CCNY: variants seen among roughly 807,000 people sequenced by gnomAD.
CCNY encodes cyclin Y.
Under a neutral mutation model 42.8 loss-of-function variants are expected in CCNY, and 19 were observed. The ratio of observed to expected loss-of-function variants is 0.44; its 90% confidence interval spans 0.31 to 0.65. The LOEUF is 0.65. Ranked by LOEUF, CCNY falls within the 30% of genes least tolerant of loss-of-function variation. The pLI is 0.07. For missense variants in CCNY, 370 were observed against 437.3 expected (o/e 0.85, Z 1.37); for synonymous variants, 165 against 162.7 (o/e 1.01, Z -0.11).
intron 3 of CCNY, among the ~76,000 whole-genome samples, chr10:35,503,719 C>T (rs1056651298): frequency 3.9e-5 from 6 of 152,106 alleles, no homozygotes; most frequent in African/African-American, 1.4e-4. Context: ...TAGGTAGGCA[C>T]AATTCAGTAT....
intron 3 of CCNY, among the ~76,000 whole-genome samples, chr10:35,286,765 T>G (rs1308678436): frequency 2.0e-5 from 3 of 150,876 alleles, no homozygotes; most frequent in African/African-American, 4.9e-5. Flanking sequence ...GTTCAAGAGA[T>G]CTTCTCATCT....
At chr10:35,458,174 G>A (rs1450923966) in intron 1 of CCNY, among the ~76,000 whole-genome samples, 2 of 152,200 alleles carry the variant, frequency 1.3e-5, no homozygotes, top group African/African-American at 4.8e-5. Flanking sequence ...AGAGGAACTG[G>A]GCTTTGGGGG....
Position 35,566,036 on chromosome 10 carries a change from C to T in CCNY, c.760C>T (p.Arg254Ter), listed in dbSNP as rs969542211. ...ITVEDMNELERQFLELLQFNI... is the reference protein window; with the variant it reads ...ITVEDMNELE ...TTTGCTTTGCAGGAACGAGCTAGAG[C>T]GACAGTTTCTTGAATTGCTGCAGTT... The change falls in exon 9 of 10, where the codon CGA becomes TGA. Residue 254 changes from arginine (R) to a stop codon, truncating the protein, a stop_gained. Transcript: ENST00000374704. LOFTEE classifies it high-confidence loss of function. The T allele has an allele frequency of 5.0e-6, 8 of 1,613,480 alleles. No homozygotes were observed. The highest frequency in any genetic ancestry group is 1.1e-5 in the South Asian group (1 of 90,958).
chr10:35,434,059 G>A (rs1031841478), intron 1 of CCNY: 4 of 152,210 alleles, frequency 2.6e-5, no homozygotes, highest in African/African-American at 9.6e-5. Context: ...GCAAGAGCCT[G>A]CCTGTGAATT....
chr10:35,269,001 TG>T (rs1396308907), intron 3 of CCNY, among the ~76,000 whole-genome samples: 1 of 152,246 alleles, frequency 6.6e-6, no homozygotes, highest in African/African-American at 2.4e-5. Flanking sequence ...ATTATCTTCA[TG>T]AACAGCATCT....
At chr10:35,469,577 C>G (rs1835694097) in intron 1 of CCNY, among the ~76,000 whole-genome samples, 1 of 138,058 alleles carries the variant, frequency 7.2e-6, no homozygotes, top group Non-Finnish European at 1.5e-5. Context: ...GATGGACAGA[C>G]AGGGAGATGG....
At chr10:35,540,564 C>CTTTTTTTT (rs561129843) in intron 7 of CCNY, among the ~76,000 whole-genome samples, 4 of 144,804 alleles carry the variant, frequency 2.8e-5, no homozygotes, top group African/African-American at 1.0e-4. Context: ...ATTCCTTCTA[C>CTTTTTTTT]TTTTTTTTTT....
intron 3 of CCNY, among the ~76,000 whole-genome samples, chr10:35,263,311 C>T (rs1365583642): frequency 3.7e-5 from 5 of 136,498 alleles, no homozygotes; most frequent in South Asian, 2.4e-4. Flanking sequence ...GAGCCGAGAT[C>T]GCGCCACTGC....
intron 1 of CCNY, among the ~76,000 whole-genome samples, chr10:35,338,747 CCT>C (rs1374943568): frequency 6.6e-6 from 1 of 152,098 alleles, no homozygotes; most frequent in Non-Finnish European, 1.5e-5. Flanking sequence ...CAGTAAATTT[CCT>C]TTTTATGTTG....
intron 1 of CCNY, among the ~76,000 whole-genome samples, chr10:35,369,204 C>T (rs1376524851): frequency 6.6e-6 from 1 of 152,080 alleles, no homozygotes; most frequent in African/African-American, 2.4e-5. Flanking sequence ...GGTGACTGTG[C>T]CTGTCCTGAT....
chr10:35,430,336 CAAAA>C (rs397954370), intron 1 of CCNY, among the ~76,000 whole-genome samples: 3 of 55,578 alleles, frequency 5.4e-5, no homozygotes, highest in Admixed American at 2.6e-4. Flanking sequence ...GACTCCGTCT[CAAAA>C]AAAAAAAAAA....
At chr10:35,546,870 G>T (rs548629312) in intron 7 of CCNY, among the ~76,000 whole-genome samples, 5 of 152,258 alleles carry the variant, frequency 3.3e-5, no homozygotes, top group East Asian at 3.9e-4. Flanking sequence ...TTTTTGTATT[G>T]AGCCAGTGAG....
At chr10:35,431,822 T>G (rs959473751) in intron 1 of CCNY, among the ~76,000 whole-genome samples, 1 of 152,140 alleles carries the variant, frequency 6.6e-6, no homozygotes, top group African/African-American at 2.4e-5. Context: ...GGTTGGTTAC[T>G]TAGCCTCCTA....
At chr10:35,502,087 A>C (rs1347785002) in intron 3 of CCNY, among the ~76,000 whole-genome samples, 7 of 152,196 alleles carry the variant, frequency 4.6e-5, no homozygotes, top group Non-Finnish European at 8.8e-5. Context: ...ATTCTTAGCC[A>C]TGTCTCCCTC....
chr10:35,420,502 C>G (rs1564404325), intron 1 of CCNY, among the ~76,000 whole-genome samples: 1 of 152,156 alleles, frequency 6.6e-6, no homozygotes, highest in African/African-American at 2.4e-5. Flanking sequence ...ACTACTCTTT[C>G]TGCATATCTT....
chr10:35,433,854 C>T (rs954371757), intron 1 of CCNY, among the ~76,000 whole-genome samples: 4 of 152,242 alleles, frequency 2.6e-5, no homozygotes, highest in Admixed American at 6.5e-5. Flanking sequence ...GGTGATCCTT[C>T]TGCCTTGGCC....
chr10:35,441,766 A>C (rs1047611720), intron 1 of CCNY, among the ~76,000 whole-genome samples: 1 of 152,174 alleles, frequency 6.6e-6, no homozygotes, highest in African/African-American at 2.4e-5. Context: ...AAGAAAAAGC[A>C]GTAGGTTATT....
chr10:35,562,608 T>C (rs1382804934), intron 8 of CCNY, among the ~76,000 whole-genome samples: 3 of 152,212 alleles, frequency 2.0e-5, no homozygotes, highest in Non-Finnish European at 1.5e-5. Context: ...TTGCCAATAA[T>C]GTCCTCAGGG....
At chr10:35,547,741 T>A (rs1841146688) in intron 7 of CCNY, among the ~76,000 whole-genome samples, 1 of 152,138 alleles carries the variant, frequency 6.6e-6, no homozygotes, top group Non-Finnish European at 1.5e-5. Context: ...CAGGACCCCA[T>A]ATGCCCATGA....
Sources: gnomAD v4.1 joint callset for allele counts (sites outside exome capture counted in the v4.1 genomes callset) on GRCh38, gnomAD v4.1.1 for gene constraint, MANE v1.5 for transcripts, NCBI Gene and HGNC (gene_info 2026-07-23, HGNC 2026-07-21) for gene names.